AFG1L: variants seen among roughly 807,000 people sequenced by gnomAD.
AFG1L encodes the protein AFG1 like ATPase, also known as AFG1-like ATPase.
A neutral mutation model predicts 62.2 loss-of-function variants in AFG1L; 53 were observed. That is an observed-to-expected ratio of 0.85 (90% confidence interval 0.68 to 1.07). The LOEUF (loss-of-function observed/expected upper bound fraction) is 1.07, where lower values mean the gene tolerates loss of function less well. Ranked by LOEUF, AFG1L falls within the 50% of genes least tolerant of loss-of-function variation. AFG1L has a pLI of 0.00. For missense variants in AFG1L, 555 were observed against 590.5 expected (o/e 0.94, Z 0.62); for synonymous variants, 228 against 210.3 (o/e 1.08, Z -0.73).
Position 108,366,351 on chromosome 6 carries a change from C to G in AFG1L, c.748+19C>G. 6.7e-7 allele frequency: 1 copy of G among 1,489,572 alleles called. No individual in the cohort carries two copies. The highest frequency in any genetic ancestry group is 9.3e-7 in the Non-Finnish European group (1 of 1,071,132). The allele number at this position is 1,489,572 out of a possible 1,614,324, so 92.3% of individuals were successfully genotyped here. A position where few individuals can be genotyped will look rare whatever the true frequency, so the allele number is the denominator to read the frequency against. On this transcript the variant is annotated intron_variant, in intron 6 of 12. Transcript: ENST00000368977. The stretch of plus-strand genomic sequence containing the variant: ...CCGGAAGGTAAAAACAAACATTGTG[C>G]TAGTCTCATCCAATTAGGTGGAAAC...
At chr6:108,348,853 G>T (rs1419229005) in intron 3 of AFG1L, among the ~76,000 whole-genome samples, 1 of 152,152 alleles carries the variant, frequency 6.6e-6, no homozygotes, top group Admixed American at 6.5e-5. Flanking sequence ...TTAACCACCT[G>T]ACCATAAATG....
chr6:108,478,163 T>C (rs750692495), intron 10 of AFG1L, among the ~76,000 whole-genome samples: 6 of 152,276 alleles, frequency 3.9e-5, no homozygotes, highest in South Asian at 2.1e-4. Flanking sequence ...GACGGCCGGG[T>C]GCGGTGGCTC....
At chr6:108,513,248 G>T (rs572510985) in intron 11 of AFG1L, among the ~76,000 whole-genome samples, 1 of 152,222 alleles carries the variant, frequency 6.6e-6, no homozygotes, top group African/African-American at 2.4e-5. Context: ...TCTCACTGGG[G>T]ATTGTCAGAC....
At chr6:108,424,040 G>T (rs989478924) in intron 7 of AFG1L, among the ~76,000 whole-genome samples, 7 of 152,048 alleles carry the variant, frequency 4.6e-5, no homozygotes, top group Non-Finnish European at 8.8e-5. Context: ...GTATGTGTGT[G>T]TGTTAGTATA....
intron 1 of AFG1L, among the ~76,000 whole-genome samples, chr6:108,306,198 C>T (rs976424755): frequency 2.0e-5 from 3 of 152,182 alleles, no homozygotes; most frequent in South Asian, 2.1e-4. Flanking sequence ...GCCACTGTGC[C>T]CAGCCTCAAG....
At chr6:108,519,105 A>C (rs908243728) in intron 11 of AFG1L, among the ~76,000 whole-genome samples, 1 of 152,334 alleles carries the variant, frequency 6.6e-6, no homozygotes, top group East Asian at 1.9e-4. Flanking sequence ...AGGAGCCAGC[A>C]GGTTTGGGTG....
At chr6:108,477,334 T>C (rs767571008) in intron 10 of AFG1L, 42 bp downstream of exon 10, 2 of 1,179,960 alleles carry the variant, frequency 1.7e-6, no homozygotes, top group Non-Finnish European at 2.4e-6. Flanking sequence ...CCTTTTCACA[T>C]GTTAAAATAC....
chr6:108,505,085 TTTTTTTC>T (rs1425249930), intron 10 of AFG1L, among the ~76,000 whole-genome samples: 4 of 151,096 alleles, frequency 2.6e-5, no homozygotes, highest in Middle Eastern at 3.4e-3. Context: ...TTGGATTTTT[TTTTTTTC>T]TTTTTTCTTT....
intron 2 of AFG1L, among the ~76,000 whole-genome samples, chr6:108,337,006 A>G (rs1430810186): frequency 6.6e-6 from 1 of 152,230 alleles, no homozygotes; most frequent in African/African-American, 2.4e-5. Flanking sequence ...ATAAAAATAC[A>G]GGCTGCCCAG....
intron 10 of AFG1L, among the ~76,000 whole-genome samples, chr6:108,485,652 A>ATTT (rs1773535849): frequency 4.4e-5 from 1 of 22,734 alleles, no homozygotes; most frequent in African/African-American, 2.9e-4. Flanking sequence ...ATATATATAT[A>ATTT]TATATTTTTT....
Position 108,524,213 on chromosome 6 carries a change from C to A in AFG1L, c.*1788C>A, listed in dbSNP as rs1410422033. ...CACAACAGAACCATTGATTTGAACT[C>A]AGTGAATATAAAATGTTTAACTTTA... is the stretch of plus-strand genomic sequence containing the variant. On this transcript the variant is annotated 3_prime_UTR_variant, in exon 13 of 13. Transcript: ENST00000368977. 6.6e-6 allele frequency: 1 copy of A among 152,164 alleles called. No individual in the cohort carries two copies. Among genetic ancestry groups the A allele is most frequent in the Non-Finnish European group, 1.5e-5 (1 of 68,026 alleles). The allele number at this position is 152,164 out of a possible 1,614,324, so 9.4% of individuals were successfully genotyped here. A position where few individuals can be genotyped will look rare whatever the true frequency, so the allele number is the denominator to read the frequency against.
At chr6:108,472,392 A>T (rs971817059) in intron 8 of AFG1L, among the ~76,000 whole-genome samples, 1 of 152,124 alleles carries the variant, frequency 6.6e-6, no homozygotes, top group Non-Finnish European at 1.5e-5. Context: ...ACCGCCCCCA[A>T]CCCCTCACAC....
chr6:108,343,769 T>G (rs1011200066), intron 2 of AFG1L, among the ~76,000 whole-genome samples: 1 of 152,124 alleles, frequency 6.6e-6, no homozygotes, highest in African/African-American at 2.4e-5. Context: ...AAAACTGTTT[T>G]GAGTGGAGAT....
intron 10 of AFG1L, among the ~76,000 whole-genome samples, chr6:108,495,580 C>T (rs573139366): frequency 4.6e-5 from 7 of 152,136 alleles, no homozygotes; most frequent in Non-Finnish European, 5.9e-5. Context: ...ACTTCTGGCA[C>T]CAGGGTCGAT....
chr6:108,373,632 G>T (rs576744747), intron 6 of AFG1L, among the ~76,000 whole-genome samples: 2 of 149,772 alleles, frequency 1.3e-5, no homozygotes, highest in South Asian at 4.2e-4. Context: ...TTGTTACTCA[G>T]GCTGGAATGC....
Position 108,298,431 on chromosome 6 carries a change from AATTTTCGTATTT to A in AFG1L, c.139+3214_139+3225del, listed in dbSNP as rs553506772. 2.0e-5 allele frequency among the ~76,000 whole-genome samples: 3 copies of A among 151,652 alleles called. No homozygotes were observed. The South Asian group carries it at 6.3e-4, about 32-fold the overall frequency. ...CAGGCGCCCGCCACCACACCCAACT[AATTTTCGTATTT>A]TTAGTAGAGAGGGGGTTTCAACATG... On this transcript the variant is annotated intron_variant, in intron 1 of 12. Coordinates refer to ENST00000368977, the MANE Select transcript of AFG1L (RefSeq NM_145315.5).
At chr6:108,326,707 C>A (rs1778058963) in intron 2 of AFG1L, among the ~76,000 whole-genome samples, 1 of 152,156 alleles carries the variant, frequency 6.6e-6, no homozygotes, top group Non-Finnish European at 1.5e-5. Flanking sequence ...CGCCTGTAAT[C>A]CCAGCACTTT....
At chr6:108,385,700 A>T in intron 6 of AFG1L, among the ~76,000 whole-genome samples, 1 of 152,146 alleles carries the variant, frequency 6.6e-6, no homozygotes, top group Non-Finnish European at 1.5e-5. Flanking sequence ...TGGTCTCTGC[A>T]TGGAGGAGTG....
chr6:108,494,939 T>A (rs1383403974), intron 10 of AFG1L, among the ~76,000 whole-genome samples: 1 of 151,550 alleles, frequency 6.6e-6, no homozygotes, highest in African/African-American at 2.4e-5. Context: ...CCCAGCTAAA[T>A]TTTTTTTGTA....
Sources: allele counts gnomAD v4.1 joint callset (sites outside exome capture counted in the v4.1 genomes callset), GRCh38; gene constraint gnomAD v4.1.1; transcripts MANE v1.5; gene names NCBI Gene and HGNC (gene_info 2026-07-23, HGNC 2026-07-21).